Variants in IFT88 observed in about 807,000 individuals in gnomAD.
IFT88 encodes intraflagellar transport 88, also known as intraflagellar transport protein 88 homolog.
IFT88 carries 74 observed loss-of-function variants against 119.5 expected under a neutral mutation model. The observed-to-expected ratio is 0.62, with a 90% confidence interval of 0.51 to 0.75. The LOEUF is 0.75. IFT88 is among the 30% of genes least tolerant of loss of function. IFT88 has a pLI of 0.00. For synonymous variants in IFT88, 279 were observed against 316.7 expected (o/e 0.88, Z 1.26); for missense variants, 961 against 977.7 (o/e 0.98, Z 0.23).
Position 20,671,007 on chromosome 13 carries a change from C to G in IFT88, c.2210C>G (p.Ser737Cys). The G allele has an allele frequency of 6.2e-7, 1 of 1,613,924 alleles. No individual in the cohort carries two copies. The highest frequency in any genetic ancestry group is 1.7e-5 in the Admixed American group (1 of 59,994). ...TCAGGCAGAGATGGCAGTGGGGGCT[C>G]CCGTGGCAAAAGAGAAGGAAGTGCT... ...IKSGRDGSGGSRGKREGSASG... is the reference protein window; with the variant it reads ...IKSGRDGSGGCRGKREGSASG... Residue 737 changes from serine (S) to cysteine (C), a missense_variant, in exon 24 of 26, where the codon TCC becomes TGC. Ser to Cys is a moderately radical substitution (Grantham distance 112, BLOSUM62 -1). Coordinates refer to ENST00000351808, the MANE Select transcript of IFT88 (RefSeq NM_006531.5).
At chr13:20,690,845 C>T (rs372974120) in intron 25 of IFT88, 30 bp downstream of exon 25, 38 of 1,512,430 alleles carry the variant, frequency 2.5e-5, no homozygotes, top group African/African-American at 4.1e-5. Flanking sequence ...TTCCTCCAGG[C>T]ATAGCAGGTC....
chr13:20,604,110 C>T (rs761131394), intron 12 of IFT88, among the ~76,000 whole-genome samples: 21 of 152,020 alleles, frequency 1.4e-4, no homozygotes, highest in Non-Finnish European at 2.5e-4. Context: ...GGCATGGTGG[C>T]ACATGTCTGT....
At chr13:20,667,790 G>T (rs2055000387) in intron 23 of IFT88, among the ~76,000 whole-genome samples, 1 of 151,860 alleles carries the variant, frequency 6.6e-6, no homozygotes, top group South Asian at 2.1e-4. Flanking sequence ...CCCCCAAGCT[G>T]TATAAGCTTC....
chr13:20,634,798 CTTTA>C (rs2048760144), intron 16 of IFT88, among the ~76,000 whole-genome samples: 1 of 85,296 alleles, frequency 1.2e-5, no homozygotes, highest in South Asian at 3.1e-4. Flanking sequence ...CCAAAGATTT[CTTTA>C]TTTTTTTTTT....
At chr13:20,688,937 AATTT>A (rs1566499199) in intron 24 of IFT88, among the ~76,000 whole-genome samples, 3 of 151,706 alleles carry the variant, frequency 2.0e-5, no homozygotes, top group South Asian at 2.1e-4. Flanking sequence ...TTAATTAATT[AATTT>A]ATTTATTTAT....
chr13:20,618,395 A>G (rs529314052), intron 14 of IFT88, among the ~76,000 whole-genome samples: 1 of 152,174 alleles, frequency 6.6e-6, no homozygotes, highest in African/African-American at 2.4e-5. Flanking sequence ...TGATTCTGAT[A>G]CCTACTATAC....
intron 12 of IFT88, among the ~76,000 whole-genome samples, chr13:20,602,428 C>T (rs781020843): frequency 3.2e-4 from 49 of 152,064 alleles, no homozygotes; most frequent in Admixed American, 6.5e-4. Context: ...TGGTCTTGAA[C>T]TCCTGGCCTC....
chr13:20,581,661 C>T (rs2038677020), intron 2 of IFT88, among the ~76,000 whole-genome samples: 1 of 150,298 alleles, frequency 6.7e-6, no homozygotes, highest in Admixed American at 6.7e-5. Context: ...TGAGACCAGC[C>T]TGGGTAACAC....
Position 20,596,210 on chromosome 13 carries a change from T to C in IFT88, c.459T>C (p.Cys153=). 3 of 1,558,202 alleles carry C rather than the reference T, an allele frequency of 1.9e-6. No individual in the cohort carries two copies. Among genetic ancestry groups the C allele is most frequent in the Non-Finnish European group, 2.6e-6 (3 of 1,143,484 alleles). The change falls in exon 8 of 26, where the codon TGT becomes TGC. Residue 153 remains cysteine (C), a synonymous_variant. Coordinates refer to ENST00000351808, the MANE Select transcript of IFT88 (RefSeq NM_006531.5). ...KEVNELVEES[C]IANSCGDLKL... is the part of the protein sequence containing the mutation. ...TAAATGAGTTGGTAGAAGAAAGCTG[T>C]ATTGCCAATAGTTGTGGAGACTTAA...
At chr13:20,651,240 C>A (rs1044915314) in intron 20 of IFT88, among the ~76,000 whole-genome samples, 3 of 151,732 alleles carry the variant, frequency 2.0e-5, no homozygotes, top group Non-Finnish European at 4.4e-5. Flanking sequence ...ATTGCATTGA[C>A]GTTATAGATC....
chr13:20,612,119 AT>A (rs1430209378), intron 13 of IFT88: 1 of 152,166 alleles, frequency 6.6e-6, no homozygotes, highest in Non-Finnish European at 1.5e-5. Flanking sequence ...GTAAAAAAAA[AT>A]CAATATACAA....
intron 14 of IFT88, among the ~76,000 whole-genome samples, chr13:20,624,725 C>G (rs2047042389): frequency 6.6e-6 from 1 of 152,130 alleles, no homozygotes; most frequent in African/African-American, 2.4e-5. Flanking sequence ...GTGTGAATGT[C>G]TTCCAGGAGG....
intron 15 of IFT88, among the ~76,000 whole-genome samples, chr13:20,629,812 A>C (rs1195170640): frequency 6.6e-6 from 1 of 152,210 alleles, no homozygotes; most frequent in Admixed American, 6.5e-5. Context: ...AGCAGGAGGC[A>C]CCAAGAGTCA....
At chr13:20,593,769 G>T (rs1176324428) in intron 7 of IFT88, among the ~76,000 whole-genome samples, 1 of 152,080 alleles carries the variant, frequency 6.6e-6, no homozygotes, top group Non-Finnish European at 1.5e-5. Flanking sequence ...AAGGACACAG[G>T]CCGGGCGTGG....
chr13:20,568,146 A>T, intron 1 of IFT88: 1 of 500,602 alleles, frequency 2.0e-6, no homozygotes, highest in South Asian at 3.5e-5. Context: ...GTCCATAGTC[A>T]GTAGAAGAGT....
intron 18 of IFT88, chr13:20,642,776 T>C (rs1032188856): frequency 6.6e-6 from 1 of 152,114 alleles, no homozygotes; most frequent in Non-Finnish European, 1.5e-5. Context: ...TTTGAGTACA[T>C]TTTCTTTTTT....
intron 20 of IFT88, among the ~76,000 whole-genome samples, chr13:20,651,159 T>G (rs753577024): frequency 3.3e-5 from 5 of 152,166 alleles, no homozygotes; most frequent in African/African-American, 4.8e-5. Flanking sequence ...TCATGGTTCC[T>G]TGAGATTCCA....
intron 4 of IFT88, 79 bp downstream of exon 4, chr13:20,589,946 A>G (rs1179056530): frequency 5.1e-6 from 4 of 781,210 alleles, no homozygotes; most frequent in Non-Finnish European, 8.7e-6. Context: ...GAATAATTTT[A>G]TTATATCTTA....
intron 2 of IFT88, among the ~76,000 whole-genome samples, chr13:20,575,536 T>A (rs1238376597): frequency 6.6e-6 from 1 of 152,082 alleles, no homozygotes; most frequent in Non-Finnish European, 1.5e-5. Flanking sequence ...GGCGATAGGA[T>A]CATGAGAGTG....
Sources: allele counts gnomAD v4.1 joint callset (sites outside exome capture counted in the v4.1 genomes callset), GRCh38; gene constraint gnomAD v4.1.1; transcripts MANE v1.5; gene names NCBI Gene and HGNC (gene_info 2026-07-23, HGNC 2026-07-21).